Variants in PHLPP1 observed in about 807,000 individuals in gnomAD.
The protein encoded by PHLPP1 is PH domain leucine-rich repeat-containing protein phosphatase 1.
In PHLPP1, 42 loss-of-function variants were observed where a neutral mutation model predicts 117.2. The ratio of observed to expected loss-of-function variants is 0.36; its 90% CI spans 0.28 to 0.46. PHLPP1 has a LOEUF of 0.46. PHLPP1 is among the 20% of genes least tolerant of loss of function. The pLI, the probability that PHLPP1 is intolerant of heterozygous loss-of-function variation, is 1.00. For missense variants in PHLPP1, 2,084 were observed against 2,241.9 expected (o/e 0.93, Z 1.42); for synonymous variants, 1,042 against 970.7 (o/e 1.07, Z -1.37).
intron 1 of PHLPP1, among the ~76,000 whole-genome samples, chr18:62,790,115 G>A (rs1018736701): frequency 1.3e-5 from 2 of 152,148 alleles, no homozygotes; most frequent in African/African-American, 2.4e-5. Flanking sequence ...TTACAAATTT[G>A]GAAAGGTAAG....
Position 62,978,775 on chromosome 18 carries a change from C to T in PHLPP1, c.4498C>T (p.Pro1500Ser), listed in dbSNP as rs1157358850. Residue 1500 changes from proline (P) to serine (S), a missense_variant, in exon 17 of 17, where the codon CCC becomes TCC. Transcript: ENST00000262719. The surrounding 1 kb of genome is among the most constrained non-coding windows in gnomAD (Gnocchi z 7.0). ...VGSTASDEPP[P>S]GALSENSPAY... ...GTCAACAGCCTCCGATGAGCCCCCG[C>T]CCGGAGCCCTAAGCGAGAACAGCCC... 1.9e-6 allele frequency: 3 copies of T among 1,612,942 alleles called. No homozygotes were observed. The highest frequency in any genetic ancestry group is 2.5e-6 in the Non-Finnish European group (3 of 1,179,654).
intron 1 of PHLPP1, among the ~76,000 whole-genome samples, chr18:62,789,408 A>G (rs1353119355): frequency 6.6e-6 from 1 of 152,224 alleles, no homozygotes; most frequent in Non-Finnish European, 1.5e-5. Flanking sequence ...GTTAAAAACA[A>G]TGCCTTTGTT....
chr18:62,813,246 C>T (rs1599060621), intron 1 of PHLPP1, among the ~76,000 whole-genome samples: 3 of 152,168 alleles, frequency 2.0e-5, no homozygotes, highest in Admixed American at 2.0e-4. Flanking sequence ...TGTAATGAAA[C>T]CCACATTTGA....
chr18:62,918,180 T>A (rs1441302270), intron 9 of PHLPP1, among the ~76,000 whole-genome samples: 2 of 125,616 alleles, frequency 1.6e-5, no homozygotes, highest in Non-Finnish European at 3.1e-5. Flanking sequence ...CACTCCAGCC[T>A]GGGCGACAGA....
chr18:62,924,216 G>C (rs1909558275), intron 10 of PHLPP1, among the ~76,000 whole-genome samples: 1 of 152,164 alleles, frequency 6.6e-6, no homozygotes, highest in Non-Finnish European at 1.5e-5. Flanking sequence ...GTGAGACTTT[G>C]CTTCAGTTGC....
At chr18:62,826,542 G>A (rs1914617458) in intron 1 of PHLPP1, among the ~76,000 whole-genome samples, 1 of 152,110 alleles carries the variant, frequency 6.6e-6, no homozygotes, top group Non-Finnish European at 1.5e-5. Context: ...TTTGCTTTAA[G>A]CAATTTGGCG....
At chr18:62,941,629 C>T (rs1032941004) in intron 10 of PHLPP1, 89 bp from the exon 11 acceptor site, 7 of 862,534 alleles carry the variant, frequency 8.1e-6, no homozygotes, top group Non-Finnish European at 1.3e-5. Flanking sequence ...CTGATCCCAG[C>T]TTCTAATATG....
intron 3 of PHLPP1, among the ~76,000 whole-genome samples, chr18:62,853,472 C>G (rs1209796859): frequency 6.6e-6 from 1 of 151,834 alleles, no homozygotes; most frequent in South Asian, 2.1e-4. Context: ...CGGGTTCAAG[C>G]GATTCTCCTA....
intron 1 of PHLPP1, among the ~76,000 whole-genome samples, chr18:62,783,098 A>G (rs532051092): frequency 1.3e-5 from 2 of 151,468 alleles, no homozygotes; most frequent in Admixed American, 6.6e-5. Context: ...ATACCCATCA[A>G]TGGTACTCAT....
At chr18:62,896,109 G>C (rs2144399618) in intron 6 of PHLPP1, 98 bp downstream of exon 6, 1 of 686,332 alleles carries the variant, frequency 1.5e-6, no homozygotes, top group South Asian at 1.8e-5. Context: ...CTGGGTAATT[G>C]AATGTGGGCC....
chr18:62,977,011 A>T (rs1026586227), intron 16 of PHLPP1, among the ~76,000 whole-genome samples: 2 of 152,226 alleles, frequency 1.3e-5, no homozygotes, highest in Admixed American at 1.3e-4. Context: ...GATAGAGAGA[A>T]ATCTAAAGGG....
At chr18:62,735,983 G>A (rs1017018274) in intron 1 of PHLPP1, among the ~76,000 whole-genome samples, 29 of 151,804 alleles carry the variant, frequency 1.9e-4, no homozygotes, top group African/African-American at 7.0e-4. Flanking sequence ...AAAAAAAAGA[G>A]TATAGCTTTG....
chr18:62,858,425 G>T (rs1017938465), intron 3 of PHLPP1, among the ~76,000 whole-genome samples: 15 of 152,180 alleles, frequency 9.9e-5, no homozygotes, highest in Middle Eastern at 6.8e-3. Flanking sequence ...ACTACGCCCA[G>T]CTAATTTTTG....
At chr18:62,775,794 A>G (rs1912935112) in intron 1 of PHLPP1, among the ~76,000 whole-genome samples, 1 of 152,240 alleles carries the variant, frequency 6.6e-6, no homozygotes, top group African/African-American at 2.4e-5. Flanking sequence ...CAGTCAAGAT[A>G]TAAAAGATTT....
chr18:62,758,582 A>T (rs530271047), intron 1 of PHLPP1, among the ~76,000 whole-genome samples: 4 of 152,348 alleles, frequency 2.6e-5, no homozygotes, highest in African/African-American at 7.2e-5. Flanking sequence ...AGAGCCTCTG[A>T]CACCTTAACT....
intron 4 of PHLPP1, among the ~76,000 whole-genome samples, chr18:62,892,094 T>C (rs1292375889): frequency 1.7e-4 from 6 of 35,284 alleles, no homozygotes; most frequent in Non-Finnish European, 4.1e-4. Context: ...TTTTTTTTTT[T>C]TTTTTTTTTT....
In PHLPP1 at chr18:62,716,575, C is replaced by G. The variant is rs1599009697; in HGVS notation, c.892C>G (p.Pro298Ala). The change falls in exon 1 of 17, where the codon CCC becomes GCC. Residue 298 changes from proline to alanine, a missense_variant. Transcript: ENST00000262719. This position sits in a 1 kb window ranked among gnomAD's most constrained non-coding sequence, Gnocchi z 5.7. The stretch of plus-strand genomic sequence containing the variant: ...TGCCTTCGGGGGGCCTCCGCGCGCG[C>G]CCCCCGCCGACCTACCCCTGCCCGT... ...PGAFGGPPRA[P>A]PADLPLPVGG... 1 of 1,208,394 alleles carries G rather than the reference C, an allele frequency of 8.3e-7. No individual in the cohort carries two copies. Among genetic ancestry groups the G allele is most frequent in the East Asian group, 3.4e-5 (1 of 29,512 alleles). 74.9% of individuals were successfully genotyped at this position (1,208,394 alleles called of 1,614,324 possible).
chr18:62,878,147 T>G (rs1916093214), intron 4 of PHLPP1, among the ~76,000 whole-genome samples: 1 of 152,216 alleles, frequency 6.6e-6, no homozygotes, highest in Non-Finnish European at 1.5e-5. Context: ...ACTGTATTTG[T>G]AGATATTTGC....
intron 8 of PHLPP1, among the ~76,000 whole-genome samples, chr18:62,914,488 G>C (rs1041090034): frequency 6.6e-6 from 1 of 152,180 alleles, no homozygotes; most frequent in African/African-American, 2.4e-5. Context: ...AGGTTGGAGT[G>C]CAGTGATGAG....
Sources: allele counts gnomAD v4.1 joint callset (sites outside exome capture counted in the v4.1 genomes callset), GRCh38; gene constraint gnomAD v4.1.1; non-coding constraint Gnocchi (gnomAD v3.1); transcripts MANE v1.5; gene names NCBI Gene and HGNC (gene_info 2026-07-23, HGNC 2026-07-21).